CDC42SE2: variants seen among roughly 807,000 people sequenced by gnomAD.
CDC42SE2 encodes the protein CDC42 small effector 2, also known as CDC42 small effector protein 2.
CDC42SE2 carries 3 observed loss-of-function variants against 11.5 expected under a neutral mutation model. The ratio of observed to expected loss-of-function variants is 0.26; its 90% CI spans 0.12 to 0.67. CDC42SE2 has a LOEUF of 0.67. Ranked by LOEUF, CDC42SE2 falls within the 30% of genes least tolerant of loss-of-function variation. CDC42SE2 has a pLI of 0.80. For missense variants in CDC42SE2, 82 were observed against 106.8 expected, an observed-to-expected ratio of 0.77 and a Z score of 1.02; for synonymous variants, 33 against 34.8, an observed-to-expected ratio of 0.95 and a Z score of 0.18.
chr5:131,382,169 T>C (rs1016670233), intron 3 of CDC42SE2, among the ~76,000 whole-genome samples: 1 of 152,242 alleles, frequency 6.6e-6, no homozygotes. Flanking sequence ...CACAGTATGA[T>C]AGAAGTAAGC....
At chr5:131,285,064 G>A (rs1757313234) in intron 1 of CDC42SE2, among the ~76,000 whole-genome samples, 1 of 151,644 alleles carries the variant, frequency 6.6e-6, no homozygotes, top group African/African-American at 2.4e-5. Flanking sequence ...AAGGTGGGAG[G>A]ATTGCTTGAG....
chr5:131,300,198 G>T (rs1276003289), intron 1 of CDC42SE2, among the ~76,000 whole-genome samples: 6 of 152,222 alleles, frequency 3.9e-5, no homozygotes, highest in Admixed American at 3.9e-4. Flanking sequence ...AGAAAAATAA[G>T]ATTTGAAAAA....
At chr5:131,237,701 C>T in the CDC42SE2 span, among the ~76,000 whole-genome samples, 1 of 152,148 alleles carries the variant, frequency 6.6e-6, no homozygotes, top group Admixed American at 6.5e-5. Context: ...GCTCAGCCTC[C>T]TGAATAGCTA....
At chr5:131,352,622 G>A (rs370479406) in intron 2 of CDC42SE2, among the ~76,000 whole-genome samples, 2 of 152,192 alleles carry the variant, frequency 1.3e-5, no homozygotes, top group South Asian at 2.1e-4. Flanking sequence ...CCACAGAGAA[G>A]TAGCTGTGTG....
chr5:131,365,705 T>G (rs1042689072), intron 3 of CDC42SE2, among the ~76,000 whole-genome samples: 9 of 152,140 alleles, frequency 5.9e-5, no homozygotes, highest in South Asian at 4.1e-4. Context: ...TATCAGGGCC[T>G]GGCGTGGTGG....
intron 2 of CDC42SE2, among the ~76,000 whole-genome samples, chr5:131,335,728 T>G (rs1758542359): frequency 6.6e-6 from 1 of 152,230 alleles, no homozygotes. Context: ...TGTAATGACC[T>G]TCTTTGTCTC....
chr5:131,248,377 A>G (rs1456283694), intron 1 of CDC42SE2, among the ~76,000 whole-genome samples: 1 of 151,590 alleles, frequency 6.6e-6, no homozygotes, highest in Non-Finnish European at 1.5e-5. Context: ...TGACCTTGTG[A>G]TCCGCCCATC....
intron 3 of CDC42SE2, among the ~76,000 whole-genome samples, chr5:131,375,129 AC>A (rs376603587): frequency 1.6e-3 from 239 of 151,924 alleles, no homozygotes; most frequent in African/African-American, 5.5e-3. Context: ...GGAGAAAAAA[AC>A]TGTTTTCACT....
chr5:131,221,385 G>A, the CDC42SE2 span, among the ~76,000 whole-genome samples: 1 of 151,368 alleles, frequency 6.6e-6, no homozygotes, highest in African/African-American at 2.4e-5. Flanking sequence ...TTCCAATGTG[G>A]CCCAGGGAAG....
chr5:131,347,649 T>C (rs1758882462), intron 2 of CDC42SE2, among the ~76,000 whole-genome samples: 1 of 152,144 alleles, frequency 6.6e-6, no homozygotes, highest in East Asian at 1.9e-4. Flanking sequence ...ATTCATTTTA[T>C]GAGGTCAACA....
intron 1 of CDC42SE2, among the ~76,000 whole-genome samples, chr5:131,289,716 C>G (rs1339456690): frequency 6.6e-6 from 1 of 151,880 alleles, no homozygotes; most frequent in Non-Finnish European, 1.5e-5. Flanking sequence ...TCATTTCTTT[C>G]AGTATTTCTT....
chr5:131,218,068 T>A, the CDC42SE2 span, among the ~76,000 whole-genome samples: 18 of 150,504 alleles, frequency 1.2e-4, no homozygotes, highest in Admixed American at 2.7e-4. Flanking sequence ...CCCAGCTACT[T>A]GGGAGGCTGA....
At chr5:131,228,884 C>T in the CDC42SE2 span, among the ~76,000 whole-genome samples, 1 of 152,214 alleles carries the variant, frequency 6.6e-6, no homozygotes, top group Non-Finnish European at 1.5e-5. Flanking sequence ...AGACAGCTCT[C>T]ACCAGAAACT....
chr5:131,368,502 A>G (rs1245404442), intron 3 of CDC42SE2, among the ~76,000 whole-genome samples: 1 of 152,178 alleles, frequency 6.6e-6, no homozygotes, highest in Admixed American at 6.5e-5. Flanking sequence ...GTCCTTGACT[A>G]TTACAGATCA....
At chr5:131,338,638 C>A (rs891871794) in intron 2 of CDC42SE2, among the ~76,000 whole-genome samples, 2 of 152,092 alleles carry the variant, frequency 1.3e-5, no homozygotes, top group African/African-American at 4.8e-5. Context: ...GAAAATACTA[C>A]CATAAGCTCC....
chr5:131,325,363 T>A (rs1422354287), intron 2 of CDC42SE2, among the ~76,000 whole-genome samples: 1 of 152,204 alleles, frequency 6.6e-6, no homozygotes, highest in East Asian at 1.9e-4. Context: ...TTGAATTTTT[T>A]AATTTTTCAC....
intron 2 of CDC42SE2, among the ~76,000 whole-genome samples, chr5:131,346,216 TAA>T (rs1430600827): frequency 1.3e-5 from 2 of 152,028 alleles, no homozygotes; most frequent in South Asian, 2.1e-4. Flanking sequence ...GCAAATTGGA[TAA>T]AGAGTCAAGA....
At chr5:131,345,194 A>G (rs1758809516) in intron 2 of CDC42SE2, among the ~76,000 whole-genome samples, 1 of 151,816 alleles carries the variant, frequency 6.6e-6, no homozygotes, top group African/African-American at 2.4e-5. Flanking sequence ...GATCGGTAAT[A>G]ATAAACTTCT....
intron 1 of CDC42SE2, among the ~76,000 whole-genome samples, chr5:131,288,117 G>A (rs1238655859): frequency 1.3e-5 from 2 of 151,722 alleles, no homozygotes; most frequent in Non-Finnish European, 2.9e-5. Context: ...TGGCATGGTG[G>A]TCCCAGCTAC....
Sources: allele counts gnomAD v4.1 joint callset (sites outside exome capture counted in the v4.1 genomes callset), GRCh38; gene constraint gnomAD v4.1.1; transcripts MANE v1.5; gene names NCBI Gene and HGNC (gene_info 2026-07-23, HGNC 2026-07-21).